COL24A1: variants seen among roughly 807,000 people sequenced by gnomAD.
COL24A1 encodes collagen type XXIV alpha 1 chain.
Under a neutral mutation model 253.9 loss-of-function variants are expected in COL24A1, and 224 were observed. The ratio of observed to expected loss-of-function variants is 0.88; its 90% CI spans 0.79 to 0.99. COL24A1 has a LOEUF of 0.99. COL24A1 is among the 50% of genes least tolerant of loss of function. The probability of loss-of-function intolerance (pLI) is 0.00; values close to 1 mark genes in which losing one functional copy is unlikely to be tolerated. For synonymous variants in COL24A1, 685 were observed against 673.7 expected (o/e 1.02, Z -0.26); for missense variants, 2,131 against 2,068.5 (o/e 1.03, Z -0.59).
At chr1:86,103,437 T>TA (rs1175650067) in intron 5 of COL24A1, among the ~76,000 whole-genome samples, 1 of 152,216 alleles carries the variant, frequency 6.6e-6, no homozygotes, top group Admixed American at 6.5e-5. Context: ...AGCTGGTTTT[T>TA]ATGCAGACTT....
chr1:86,108,620 T>TAAAGAAAAAAAAAAAAAAAAA (rs1491169938), intron 5 of COL24A1, among the ~76,000 whole-genome samples: 6 of 83,102 alleles, frequency 7.2e-5, no homozygotes, highest in African/African-American at 2.6e-4. Context: ...CCATCTCTAC[T>TAAAGAAAAAAAAAAAAAAAAA]AAAAAAAAAA....
chr1:85,824,010 C>T (rs1449971491), intron 43 of COL24A1, among the ~76,000 whole-genome samples: 1 of 151,922 alleles, frequency 6.6e-6, no homozygotes, highest in Non-Finnish European at 1.5e-5. Context: ...AAATGTTCGT[C>T]TATGTCCCAA....
chr1:85,956,529 T>A (rs1010275117), intron 24 of COL24A1, among the ~76,000 whole-genome samples: 2 of 152,184 alleles, frequency 1.3e-5, no homozygotes, highest in Non-Finnish European at 2.9e-5. Context: ...TTCACCAAAG[T>A]CTATAAGTAA....
At chr1:86,072,847 T>C (rs1701971152) in intron 7 of COL24A1, among the ~76,000 whole-genome samples, 1 of 152,032 alleles carries the variant, frequency 6.6e-6, no homozygotes, top group African/African-American at 2.4e-5. Flanking sequence ...GCAAACAGGG[T>C]CTGGAGTGGA....
At chr1:86,101,478 A>T (rs1704448404) in intron 5 of COL24A1, among the ~76,000 whole-genome samples, 1 of 152,128 alleles carries the variant, frequency 6.6e-6, no homozygotes, top group African/African-American at 2.4e-5. Context: ...TTTCAAGGGT[A>T]ATGCTTCCAG....
At chr1:86,083,831 G>A (rs1265986140) in intron 7 of COL24A1, among the ~76,000 whole-genome samples, 1 of 152,158 alleles carries the variant, frequency 6.6e-6, no homozygotes, top group African/African-American at 2.4e-5. Context: ...TTACATGCCA[G>A]ACACTGAACT....
intron 1 of COL24A1, among the ~76,000 whole-genome samples, chr1:86,152,066 C>T (rs779270126): frequency 4.6e-5 from 7 of 152,180 alleles, no homozygotes; most frequent in Non-Finnish European, 1.0e-4. Context: ...AGTAAAATTT[C>T]TGTTCTTTCC....
intron 10 of COL24A1, among the ~76,000 whole-genome samples, chr1:86,052,675 T>C (rs924592587): frequency 1.3e-5 from 2 of 152,014 alleles, no homozygotes; most frequent in African/African-American, 2.4e-5. Context: ...TGTACAACAA[T>C]TGGATGTACT....
chr1:86,117,626 T>C (rs1436939943), intron 3 of COL24A1, among the ~76,000 whole-genome samples: 1 of 152,070 alleles, frequency 6.6e-6, no homozygotes, highest in Non-Finnish European at 1.5e-5. Flanking sequence ...AATTCTCACA[T>C]GTCTTCATAA....
chr1:85,740,225 T>C (rs1240487324), intron 57 of COL24A1, among the ~76,000 whole-genome samples: 3 of 152,190 alleles, frequency 2.0e-5, no homozygotes, highest in African/African-American at 7.2e-5. Context: ...CAAATTCAAA[T>C]GTGTCTGTAA....
At chr1:86,092,130 C>T in intron 6 of COL24A1, 137 bp downstream of exon 6, 1 of 631,912 alleles carries the variant, frequency 1.6e-6, no homozygotes, top group Non-Finnish European at 2.6e-6. Flanking sequence ...ATAGTTCTTC[C>T]TTCATTAAAA....
chr1:86,113,630 T>C (rs1301190848), intron 4 of COL24A1, among the ~76,000 whole-genome samples: 2 of 151,778 alleles, frequency 1.3e-5, no homozygotes, highest in Admixed American at 1.3e-4. Flanking sequence ...GCTCAGGAGT[T>C]TGAGACCAGC....
intron 1 of COL24A1, among the ~76,000 whole-genome samples, chr1:86,146,845 G>T (rs1337617227): frequency 1.3e-5 from 2 of 152,000 alleles, no homozygotes; most frequent in Non-Finnish European, 2.9e-5. Context: ...CATTAGTATT[G>T]ATAAGCTATC....
intron 35 of COL24A1, among the ~76,000 whole-genome samples, chr1:85,874,166 C>G (rs931693381): frequency 6.6e-6 from 1 of 152,160 alleles, no homozygotes; most frequent in Non-Finnish European, 1.5e-5. Context: ...TAAAGGCTGT[C>G]TATATTAGCA....
At position 85,895,818 on chromosome 1, in the gene COL24A1, G is replaced by A. The variant is rs377011860; in HGVS notation, c.2922+40C>T. 8.6e-5 allele frequency: 134 copies of A among 1,552,654 alleles called. No individual in the cohort carries two copies. The African/African-American group carries it at 1.7e-3, about 20-fold the overall frequency. On this transcript the variant is annotated intron_variant, in intron 31 of 59. Coordinates refer to ENST00000370571, the MANE Select transcript of COL24A1 (RefSeq NM_152890.7). ...GCAGCCCCTTTCCCCCAAAAATGCA[G>A]ATAAAAATTTTTCATAGCATGATTT...
chr1:85,881,401 G>A (rs1015966937), intron 32 of COL24A1, among the ~76,000 whole-genome samples: 33 of 151,834 alleles, frequency 2.2e-4, no homozygotes, highest in African/African-American at 6.5e-4. Flanking sequence ...GGCCGATCAC[G>A]AGGTCAGGAG....
chr1:86,096,897 C>T (rs12117769), intron 5 of COL24A1, among the ~76,000 whole-genome samples: 107 of 151,988 alleles, frequency 7.0e-4, no homozygotes, highest in Non-Finnish European at 1.3e-3. Flanking sequence ...TCTTTCTTTC[C>T]TCTTAGCTAG....
intron 10 of COL24A1, among the ~76,000 whole-genome samples, chr1:86,051,027 C>A (rs1253790159): frequency 6.6e-6 from 1 of 151,998 alleles, no homozygotes; most frequent in African/African-American, 2.4e-5. Flanking sequence ...TATGGTAATG[C>A]ACTGATGTTA....
chr1:86,057,327 G>A (rs1016101038), intron 10 of COL24A1, among the ~76,000 whole-genome samples: 10 of 152,198 alleles, frequency 6.6e-5, no homozygotes, highest in Non-Finnish European at 1.0e-4. Flanking sequence ...TGCATGGACT[G>A]CACAACTATG....
Sources: allele counts gnomAD v4.1 joint callset (sites outside exome capture counted in the v4.1 genomes callset), GRCh38; gene constraint gnomAD v4.1.1; transcripts MANE v1.5; gene names NCBI Gene and HGNC (gene_info 2026-07-23, HGNC 2026-07-21).